The following UACA variants were observed in gnomAD, a reference collection of about 807,000 sequenced individuals.
UACA encodes the protein uveal autoantigen with coiled-coil domains and ankyrin repeats, also known as nuclear membrane binding protein.
UACA carries 112 observed loss-of-function variants against 160.5 expected under a neutral mutation model. The observed-to-expected ratio is 0.70, with a 90% CI of 0.60 to 0.82. The LOEUF (loss-of-function observed/expected upper bound fraction) is 0.82. Among genes scored for constraint, UACA ranks in the 40% least tolerant of loss-of-function variants. The pLI is 0.00. For missense variants in UACA, 1,574 were observed against 1,614.6 expected, an observed-to-expected ratio of 0.97 and a Z score of 0.43; for synonymous variants, 557 against 568.4, an observed-to-expected ratio of 0.98 and a Z score of 0.29.
At chr15:70,659,274 T>G (rs2140879533) in intron 18 of UACA, among the ~76,000 whole-genome samples, 1 of 152,168 alleles carries the variant, frequency 6.6e-6, no homozygotes, top group South Asian at 2.1e-4. Context: ...CTATTGATTT[T>G]AAGAATTTGA....
At chr15:70,696,095 A>C in intron 2 of UACA, among the ~76,000 whole-genome samples, 1 of 152,198 alleles carries the variant, frequency 6.6e-6, no homozygotes, top group East Asian at 1.9e-4. Context: ...AAAAAATGTG[A>C]AAGTGCTCAG....
intron 17 of UACA, among the ~76,000 whole-genome samples, chr15:70,662,543 T>C (rs978140710): frequency 6.6e-5 from 10 of 152,124 alleles, no homozygotes; most frequent in African/African-American, 1.7e-4. Flanking sequence ...AAAAAGAGCC[T>C]GCATCGCCAA....
intron 1 of UACA, among the ~76,000 whole-genome samples, chr15:70,752,514 T>C (rs1020532366): frequency 1.3e-5 from 2 of 152,140 alleles, no homozygotes; most frequent in Non-Finnish European, 2.9e-5. Context: ...ATATGTGTTC[T>C]TGTTCTCTCT....
intron 1 of UACA, among the ~76,000 whole-genome samples, chr15:70,727,672 T>C (rs953994044): frequency 2.0e-5 from 3 of 152,234 alleles, no homozygotes; most frequent in African/African-American, 7.2e-5. Flanking sequence ...ATTGTGAAAC[T>C]GTTCTCAAAA....
chr15:70,775,207 T>A, the UACA span, among the ~76,000 whole-genome samples: 1 of 152,182 alleles, frequency 6.6e-6, no homozygotes, highest in South Asian at 2.1e-4. Context: ...CAGCTGTTTT[T>A]TTATAGGTGG....
chr15:70,686,489 T>C (rs1595888019), intron 7 of UACA, among the ~76,000 whole-genome samples: 2 of 144,886 alleles, frequency 1.4e-5, no homozygotes, highest in East Asian at 3.9e-4. Flanking sequence ...GGGTTCTTTT[T>C]TTTTTTTTTT....
intron 1 of UACA, among the ~76,000 whole-genome samples, chr15:70,701,067 A>C (rs1272159331): frequency 1.3e-5 from 2 of 152,174 alleles, no homozygotes; most frequent in Admixed American, 1.3e-4. Context: ...TGAAAACTGA[A>C]TATGAAAAAA....
chr15:70,716,838 A>G (rs1898835405), intron 1 of UACA, among the ~76,000 whole-genome samples: 2 of 152,214 alleles, frequency 1.3e-5, no homozygotes, highest in Admixed American at 6.5e-5. Flanking sequence ...TAAAAGCTGA[A>G]CTCAGCATCT....
intron 2 of UACA, among the ~76,000 whole-genome samples, chr15:70,698,527 T>C (rs898775945): frequency 1.4e-4 from 21 of 152,184 alleles, no homozygotes; most frequent in Non-Finnish European, 1.5e-5. Context: ...CTTGAAACTT[T>C]TCCAACTTTA....
At chr15:70,670,141 A>G (rs1168041537) in intron 15 of UACA, among the ~76,000 whole-genome samples, 1 of 152,172 alleles carries the variant, frequency 6.6e-6, no homozygotes, top group Admixed American at 6.5e-5. Flanking sequence ...GCTTCCTGAT[A>G]AGATCTCCGG....
At chr15:70,770,502 T>G in the UACA span, among the ~76,000 whole-genome samples, 1 of 152,240 alleles carries the variant, frequency 6.6e-6, no homozygotes, top group African/African-American at 2.4e-5. Flanking sequence ...ATACTTTCCC[T>G]CTTGCTGTTT....
intron 1 of UACA, among the ~76,000 whole-genome samples, chr15:70,699,893 A>T (rs900422561): frequency 6.6e-6 from 1 of 152,056 alleles, no homozygotes; most frequent in African/African-American, 2.4e-5. Flanking sequence ...CTTTTGAGGG[A>T]AAGCATGTTT....
At chr15:70,700,124 T>C (rs1898291251) in intron 1 of UACA, among the ~76,000 whole-genome samples, 1 of 151,978 alleles carries the variant, frequency 6.6e-6, no homozygotes, top group Non-Finnish European at 1.5e-5. Flanking sequence ...AAAATCAGTG[T>C]GCTTTTCCCA....
chr15:70,676,730 T>C (rs1045309871), intron 12 of UACA, 139 bp from the exon 13 acceptor site: 1 of 619,816 alleles, frequency 1.6e-6, no homozygotes, highest in Admixed American at 2.9e-5. Flanking sequence ...CTTTAACTAC[T>C]AATAGAGTTG....
intron 13 of UACA, among the ~76,000 whole-genome samples, chr15:70,675,614 C>T (rs367553375): frequency 4.5e-4 from 68 of 152,284 alleles, no homozygotes; most frequent in African/African-American, 1.6e-3. Context: ...AAAATAGAAT[C>T]GTGCAGTATG....
chr15:70,762,253 T>TCC (rs398070697), intron 1 of UACA, among the ~76,000 whole-genome samples: 1 of 151,080 alleles, frequency 6.6e-6, no homozygotes, highest in African/African-American at 2.4e-5. Context: ...AAGGCATAAC[T>TCC]GAATTAACTC....
At chr15:70,776,718 C>A in the UACA span, among the ~76,000 whole-genome samples, 3 of 152,124 alleles carry the variant, frequency 2.0e-5, no homozygotes. Flanking sequence ...CGCGAGCCAC[C>A]ATACCTGGCC....
intron 1 of UACA, among the ~76,000 whole-genome samples, chr15:70,742,633 T>TA (rs1339431531): frequency 6.6e-6 from 1 of 152,090 alleles, no homozygotes; most frequent in African/African-American, 2.4e-5. Context: ...AAATGAAAAA[T>TA]AAAAAACATT....
chr15:70,777,976 A>G, the UACA span, among the ~76,000 whole-genome samples: 5 of 152,292 alleles, frequency 3.3e-5, no homozygotes, highest in African/African-American at 7.2e-5. Flanking sequence ...GTCTCCCCCA[A>G]TAAATTGTGA....
Sources: allele counts gnomAD v4.1 joint callset (sites outside exome capture counted in the v4.1 genomes callset), GRCh38; gene constraint gnomAD v4.1.1; transcripts MANE v1.5; gene names NCBI Gene and HGNC (gene_info 2026-07-23, HGNC 2026-07-21).